ADAM33: variants seen among roughly 807,000 people sequenced by gnomAD.
ADAM33 encodes disintegrin and metalloproteinase domain-containing protein 33.
In ADAM33, 103 loss-of-function variants were observed where a neutral mutation model predicts 106.2. The observed-to-expected ratio is 0.97, with a 90% CI of 0.83 to 1.14. The LOEUF (loss-of-function observed/expected upper bound fraction) is 1.14, where lower values mean the gene tolerates loss of function less well. Ranked by LOEUF, ADAM33 falls within the 50% of genes most tolerant of loss-of-function variation. The pLI is 0.00. For missense variants in ADAM33, 1,120 were observed against 1,096.6 expected, an observed-to-expected ratio of 1.02 and a Z score of -0.30; for synonymous variants, 483 against 453.0, an observed-to-expected ratio of 1.07 and a Z score of -0.84.
intron 3 of ADAM33, among the ~76,000 whole-genome samples, chr20:3,676,524 T>C (rs995685035): frequency 6.6e-6 from 1 of 151,836 alleles, no homozygotes; most frequent in Admixed American, 6.6e-5. Flanking sequence ...CCACAACCTC[T>C]ACCTCCGGGG....
At chr20:3,672,492 C>G (rs1481650045) in intron 13 of ADAM33, 45 bp downstream of exon 13, 2 of 1,599,020 alleles carry the variant, frequency 1.3e-6, no homozygotes, top group South Asian at 2.2e-5. Context: ...CAGGCCGGCT[C>G]CCAAGCTCCC....
intron 2 of ADAM33, among the ~76,000 whole-genome samples, chr20:3,677,944 G>A (rs945643819): frequency 2.2e-4 from 34 of 152,316 alleles, no homozygotes; most frequent in African/African-American, 7.2e-4. Flanking sequence ...CTGCGCCTTC[G>A]GAATGTTTAA....
intron 2 of ADAM33, 105 bp downstream of exon 2, chr20:3,679,387 G>C: frequency 8.3e-7 from 1 of 1,204,044 alleles, no homozygotes; most frequent in Non-Finnish European, 1.2e-6. Context: ...TAGTGACTTG[G>C]TGGTTCTGGG....
In ADAM33 at chr20:3,674,716, C is replaced by T. The variant is rs192289990; in HGVS notation, c.411-23G>A. On this transcript the variant is annotated intron_variant, in intron 5 of 21. Coordinates refer to ENST00000356518, the MANE Select transcript of ADAM33 (RefSeq NM_025220.5). ...CCACTAGGGTGCAGAGGGGTAGGAG[C>T]GGGTGTGAGGGAGCTCTTTCCCCAT... 650 of 1,596,486 alleles carry T rather than the reference C, an allele frequency of 4.1e-4. 1 individual carries two copies. The highest frequency in any genetic ancestry group is 5.9e-4 in the Admixed American group (34 of 57,262).
intron 4 of ADAM33, 60 bp from the exon 5 acceptor site, chr20:3,674,909 G>T: frequency 6.2e-7 from 1 of 1,608,650 alleles, no homozygotes; most frequent in Non-Finnish European, 8.5e-7. Context: ...GGGGCAAGAG[G>T]GAGGGTGTGG....
At position 3,669,624 on chromosome 20, in the gene ADAM33, G is replaced by A. The variant is rs1170605492; in HGVS notation, c.2254C>T (p.Pro752Ser). 6.2e-7 allele frequency: 1 copy of A among 1,601,510 alleles called. No individual in the cohort carries two copies. The highest frequency in any genetic ancestry group is 8.5e-7 in the Non-Finnish European group (1 of 1,175,046). Residue 752 changes from proline to serine, a missense_variant, in exon 20 of 22, where the codon CCA becomes TCA. By Grantham distance (74) the Pro-to-Ser change is moderately conservative (BLOSUM62 -1). Coordinates refer to ENST00000356518, the MANE Select transcript of ADAM33 (RefSeq NM_025220.5). ...CCGCCCAGGGGGTGGTCCCTGTGTG[G>A]GCCATCTTTGGGGCTGAGCAACGTG... ...DPACSGPKDG[P>S]HRDHPLGGVH...
At position 3,673,600 on chromosome 20, in the gene ADAM33, C is replaced by T. The variant is rs755081510; in HGVS notation, c.964G>A (p.Ala322Thr). 60 of 1,371,110 alleles carry T rather than the reference C, an allele frequency of 4.4e-5. No homozygotes were observed. Among genetic ancestry groups the T allele is most frequent in the Non-Finnish European group, 5.0e-5 (54 of 1,069,836 alleles). 84.9% of individuals were successfully genotyped at this position (1,371,110 alleles called of 1,614,324 possible). ...GLAPVEGMCR[A>T]ESSGGVSTDH... The stretch of plus-strand genomic sequence containing the variant: ...GTGCTCACGCCTCCCGAGCTCTCGG[C>T]GCGGCACATGCCCTCGACGGGCGCC... The change falls in exon 10 of 22, where the codon GCC (alanine) becomes ACC (threonine). Residue 322 changes from alanine to threonine, a missense_variant. Ala to Thr is a moderately conservative substitution (Grantham distance 58). Coordinates refer to ENST00000356518, the MANE Select transcript of ADAM33 (RefSeq NM_025220.5).
In ADAM33 at chr20:3,668,192, G is replaced by C. The variant is rs999148424; in HGVS notation, c.*771C>G. The stretch of plus-strand genomic sequence containing the variant: ...GGTGTCTTGCTGTGTTGCCCAGGCT[G>C]GTGTGGACCTGCTGGCCTCTGGTGA... On this transcript the variant is annotated 3_prime_UTR_variant, in exon 22 of 22. Coordinates refer to ENST00000356518, the MANE Select transcript of ADAM33 (RefSeq NM_025220.5). 2.6e-5 allele frequency: 4 copies of C among 152,606 alleles called. No homozygotes were observed. Among genetic ancestry groups the C allele is most frequent in the African/African-American group, 9.7e-5 (4 of 41,424 alleles). The allele number at this position is 152,606 out of a possible 1,614,324, so 9.5% of individuals were successfully genotyped here. A position where few individuals can be genotyped will look rare whatever the true frequency, so the allele number is the denominator to read the frequency against.
At chr20:3,676,423 T>C (rs1208553747) in intron 3 of ADAM33, among the ~76,000 whole-genome samples, 3 of 152,022 alleles carry the variant, frequency 2.0e-5, no homozygotes, top group Non-Finnish European at 2.9e-5. Flanking sequence ...TCTTTCTTTT[T>C]TTTTTTCTTT....
In ADAM33 at chr20:3,677,128, T is replaced by C. The variant is rs1393251615; in HGVS notation, c.193A>G (p.Met65Val). 1 of 1,610,260 alleles carries C rather than the reference T, an allele frequency of 6.2e-7. No homozygotes were observed. Among genetic ancestry groups the C allele is most frequent in the Non-Finnish European group, 8.5e-7 (1 of 1,178,228 alleles). The change falls in exon 3 of 22, where the codon ATG becomes GTG. Residue 65 changes from methionine to valine, a missense_variant. By Grantham distance (21) the Met-to-Val change is conservative (BLOSUM62 1). Transcript: ENST00000356518. Reference protein sequence around the residue: ...SLEEPVSKPDMGLVALEAEGQ... With the variant: ...SLEEPVSKPDVGLVALEAEGQ... ...TCAGCCTCCAGGGCCACCAGCCCCA[T>C]GTCTGGCTTCGAGACCTGGGCAAGA...
intron 11 of ADAM33, 81 bp downstream of exon 11, chr20:3,673,271 CTG>C: frequency 6.5e-7 from 1 of 1,534,286 alleles, no homozygotes; most frequent in Non-Finnish European, 8.7e-7. Context: ...GAAGAGGAAA[CTG>C]AGGGACGACC....
At chr20:3,674,749 C>T (rs2087825921) in intron 5 of ADAM33, 24 bp downstream of exon 5, 2 of 1,596,976 alleles carry the variant, frequency 1.3e-6, no homozygotes, top group Admixed American at 3.5e-5. Flanking sequence ...CATCCCAGGC[C>T]CAGCCTCCTC....
intron 2 of ADAM33, among the ~76,000 whole-genome samples, chr20:3,677,801 C>A (rs572986695): frequency 6.6e-6 from 1 of 152,206 alleles, no homozygotes; most frequent in Non-Finnish European, 1.5e-5. Flanking sequence ...CTGGCTTGGA[C>A]GGCCAGCCCT....
At position 3,669,646 on chromosome 20, in the gene ADAM33, C is replaced by T. The variant is rs753398216; in HGVS notation, c.2241-9G>A. 37 of 1,597,018 alleles carry T rather than the reference C, an allele frequency of 2.3e-5. No individual in the cohort carries two copies. Among genetic ancestry groups the T allele is most frequent in the Middle Eastern group, 1.7e-4 (1 of 6,060 alleles). ...GTGGGCCATCTTTGGGGCTGAGCAA[C>T]GTGATAAGAGTCCAGGAGGTTGGCA... On this transcript the variant is annotated splice_polypyrimidine_tract_variant and intron_variant, in intron 19 of 21. Transcript: ENST00000356518.
In ADAM33 at chr20:3,671,119, G is replaced by A. The variant is rs367769406; in HGVS notation, c.2127C>T (p.Ser709=). 1.9e-6 allele frequency: 3 copies of A among 1,607,722 alleles called. No individual in the cohort carries two copies. The highest frequency in any genetic ancestry group is 2.2e-5 in the East Asian group (1 of 44,632). Residue 709 remains serine (S), a synonymous_variant, in exon 19 of 22, where the codon AGC becomes AGT. Coordinates refer to ENST00000356518, the MANE Select transcript of ADAM33 (RefSeq NM_025220.5). Reference sequence around the variant, plus strand: ...CCCCTGGGAGCAGAGGCAGCAGGACGCTGAGGAGCATGGCCAGCAGGAAGG... The same window carrying A: ...CCCCTGGGAGCAGAGGCAGCAGGACACTGAGGAGCATGGCCAGCAGGAAGG... The part of the protein sequence containing the change: ...HDTFLLAMLL[S]VLLPLLPGAG...
rs866055474 is a variant in ADAM33, at chr20:3,679,406, C to T, written c.177+86G>A. 4.5e-5 allele frequency: 65 copies of T among 1,433,258 alleles called. No homozygotes were observed. The Admixed American group carries it at 6.0e-4, about 13-fold the overall frequency. The allele number at this position is 1,433,258 out of a possible 1,614,324, so 88.8% of individuals were successfully genotyped here. ...GACTTGGTGGTTCTGGGGACCCCAG[C>T]AAAACTAGAAGCTGTAATGTAGGGA... On this transcript the variant is annotated intron_variant, in intron 2 of 21. Coordinates refer to ENST00000356518, the MANE Select transcript of ADAM33 (RefSeq NM_025220.5).
intron 1 of ADAM33, among the ~76,000 whole-genome samples, chr20:3,680,966 G>A (rs530684501): frequency 6.6e-6 from 1 of 152,252 alleles, no homozygotes; most frequent in South Asian, 2.1e-4. Flanking sequence ...TCTCCCAGGG[G>A]TCCCATCACC....
intron 6 of ADAM33, 84 bp from the exon 7 acceptor site, chr20:3,674,368 T>G: frequency 6.2e-7 from 1 of 1,606,664 alleles, no homozygotes; most frequent in East Asian, 2.2e-5. Context: ...GAAGGAAGTT[T>G]AACATGTTTT....
At position 3,672,875 on chromosome 20, in the gene ADAM33, C is replaced by T. The variant is rs781568806; in HGVS notation, c.1157G>A (p.Ser386Asn). The T allele has an allele frequency of 6.3e-7, 1 of 1,576,556 alleles. No homozygotes were observed. The highest frequency in any genetic ancestry group is 1.1e-5 in the South Asian group (1 of 88,658). Residue 386 changes from serine (S) to asparagine (N), a missense_variant, in exon 12 of 22, where the codon AGC becomes AAC. Ser to Asn is a conservative substitution (Grantham distance 46). Transcript: ENST00000356518. ...GCGCAGCTGGCGGCGGCTGCAGGCG[C>T]TGAACACGCGCGGAAACGGGTGCCT... ...ATGHPFPRVF[S>N]ACSRRQLRAF...
Sources: gnomAD v4.1 joint callset for allele counts (sites outside exome capture counted in the v4.1 genomes callset) on GRCh38, gnomAD v4.1.1 for gene constraint, MANE v1.5 for transcripts, NCBI Gene and HGNC (gene_info 2026-07-23, HGNC 2026-07-21) for gene names.